SYNE3: variants seen among roughly 807,000 people sequenced by gnomAD.
SYNE3 encodes spectrin repeat containing nuclear envelope family member 3.
SYNE3 carries 100 observed loss-of-function variants against 111.2 expected under a neutral mutation model. The observed-to-expected ratio is 0.90, with a 90% CI of 0.77 to 1.06. The LOEUF (loss-of-function observed/expected upper bound fraction) is 1.06. SYNE3 is among the 50% of genes least tolerant of loss of function. The pLI, the probability that SYNE3 is intolerant of heterozygous loss-of-function variation, is 0.00. For missense variants in SYNE3, 1,160 were observed against 1,240.3 expected, an observed-to-expected ratio of 0.94 and a Z score of 0.97; for synonymous variants, 547 against 533.9, an observed-to-expected ratio of 1.02 and a Z score of -0.34.
At chr14:95,454,854 G>A (rs1330480228) in intron 6 of SYNE3, among the ~76,000 whole-genome samples, 5 of 152,136 alleles carry the variant, frequency 3.3e-5, no homozygotes, top group Admixed American at 2.0e-4. Flanking sequence ...GCTTCAGTTC[G>A]TATACCTCGG....
At chr14:95,420,672 A>G (rs1000910038) in intron 17 of SYNE3, among the ~76,000 whole-genome samples, 3 of 152,192 alleles carry the variant, frequency 2.0e-5, no homozygotes, top group Admixed American at 2.0e-4. Context: ...GCTCTTAAAA[A>G]TAAGACACCT....
At chr14:95,435,598 G>C (rs1886041220) in intron 15 of SYNE3, among the ~76,000 whole-genome samples, 1 of 151,952 alleles carries the variant, frequency 6.6e-6, no homozygotes, top group South Asian at 2.1e-4. Context: ...CAAGTAACAA[G>C]TTTGGGAATT....
At chr14:95,494,722 T>C (rs182092389) in intron 1 of SYNE3, among the ~76,000 whole-genome samples, 1 of 152,264 alleles carries the variant, frequency 6.6e-6, no homozygotes, top group African/African-American at 2.4e-5. Context: ...GCAGGGCCCT[T>C]GCAACAGGGC....
intron 7 of SYNE3, chr14:95,451,229 C>T (rs1418250948): frequency 6.6e-6 from 1 of 152,218 alleles, no homozygotes; most frequent in Non-Finnish European, 1.5e-5. Context: ...AGCTTCATGA[C>T]CAAGGAATAC....
intron 6 of SYNE3, 33 bp downstream of exon 6, chr14:95,455,344 C>T (rs1231536261): frequency 1.3e-6 from 2 of 1,492,998 alleles, no homozygotes; most frequent in East Asian, 4.7e-5. Context: ...CAGACAGCAC[C>T]CTGGGCTCCA....
In SYNE3 at chr14:95,409,554, T is replaced by A; in HGVS notation, c.*8272A>T. On this transcript the variant is annotated 3_prime_UTR_variant, in exon 18 of 18. Transcript: ENST00000682763. ...CAAGGTGGTTGGGTTGGGGATGATG[T>A]TACCATGACAACCGGAGAGCAGGTG... 2.6e-6 allele frequency: 1 copy of A among 378,496 alleles called. No homozygotes were observed. Among genetic ancestry groups the A allele is most frequent in the Non-Finnish European group, 5.2e-6 (1 of 192,916 alleles). 23.4% of individuals were successfully genotyped at this position (378,496 alleles called of 1,614,324 possible). A position where few individuals can be genotyped will look rare whatever the true frequency, so the allele number is the denominator to read the frequency against.
intron 17 of SYNE3, among the ~76,000 whole-genome samples, chr14:95,421,272 G>A (rs989132134): frequency 9.2e-5 from 14 of 152,162 alleles, no homozygotes; most frequent in Admixed American, 5.9e-4. Flanking sequence ...GGGAGTATAT[G>A]TTGTGTAGAG....
chr14:95,464,570 T>C (rs979198084), intron 4 of SYNE3, among the ~76,000 whole-genome samples: 24 of 152,346 alleles, frequency 1.6e-4, no homozygotes, highest in Admixed American at 5.9e-4. Flanking sequence ...AGTTGGGGCC[T>C]ATTGTATGAT....
chr14:95,466,641 C>T (rs564831415), intron 3 of SYNE3, among the ~76,000 whole-genome samples: 77 of 152,324 alleles, frequency 5.1e-4, no homozygotes, highest in Admixed American at 9.8e-4. Flanking sequence ...GGGCTCTAAA[C>T]ACAGTTTCTC....
Position 95,438,436 on chromosome 14 carries a change from T to C in SYNE3, c.2376+597A>G, listed in dbSNP as rs79859210. ...GCTGTGTGCCCACTGAAAAGCTCTA[T>C]GCCGGATTCCAAATTCTCTGAGGGT... On this transcript the variant is annotated intron_variant, in intron 14 of 17. Coordinates refer to ENST00000682763, the MANE Select transcript of SYNE3 (RefSeq NM_152592.6). 7.6e-3 allele frequency: 1,162 copies of C among 153,658 alleles called. 11 individuals carry two copies. The highest frequency in any genetic ancestry group is 1.0e-2 in the Non-Finnish European group (689 of 68,982). The allele number at this position is 153,658 out of a possible 1,614,324, so 9.5% of individuals were successfully genotyped here. A position where few individuals can be genotyped will look rare whatever the true frequency, so the allele number is the denominator to read the frequency against.
In SYNE3 at chr14:95,470,360, G is replaced by T. The variant is rs2139491162; in HGVS notation, c.145-2393C>A. 6.6e-6 allele frequency among the ~76,000 whole-genome samples: 1 copy of T among 152,230 alleles called. No homozygotes were observed. The highest frequency in any genetic ancestry group is 1.5e-5 in the Non-Finnish European group (1 of 68,002). ...TTAAAAATAATAGTAGACCAGGCGT[G>T]GTGACTCATGCCTGTAATCCCAGCA... On this transcript the variant is annotated intron_variant, in intron 2 of 17. Transcript: ENST00000682763. The surrounding 1 kb of genome is among the most constrained non-coding windows in gnomAD (Gnocchi z 4.2).
chr14:95,407,286 A>AT lies in SYNE3; in HGVS notation c.*10539dup, dbSNP rs2139309863. On this transcript the variant is annotated 3_prime_UTR_variant, in exon 18 of 18. Transcript: ENST00000682763. ...CAGTATTTCATAGACCAAAATAGAG[A>AT]TTTTTATTTCCAAACACAAAGCAGA... 6.6e-6 allele frequency: 1 copy of AT among 152,310 alleles called. No individual in the cohort carries two copies. Among genetic ancestry groups the AT allele is most frequent in the South Asian group, 2.1e-4 (1 of 4,818 alleles). The allele number at this position is 152,310 out of a possible 1,614,324, so 9.4% of individuals were successfully genotyped here.
chr14:95,435,613 GA>G (rs376417896), intron 15 of SYNE3, among the ~76,000 whole-genome samples: 1,854 of 150,820 alleles, frequency 0.012, 44 homozygotes, highest in African/African-American at 0.043. Context: ...GGAATTAAGA[GA>G]AAAAAAAATA....
intron 1 of SYNE3, among the ~76,000 whole-genome samples, chr14:95,483,131 C>T (rs956518659): frequency 6.6e-6 from 1 of 152,080 alleles, no homozygotes; most frequent in Admixed American, 6.5e-5. Context: ...AGGCAGCCTC[C>T]GTCACACTGT....
At chr14:95,493,777 G>A (rs1044386514) in intron 1 of SYNE3, among the ~76,000 whole-genome samples, 4 of 152,192 alleles carry the variant, frequency 2.6e-5, no homozygotes, top group Non-Finnish European at 4.4e-5. Flanking sequence ...AGCCTTGAGC[G>A]CCAGGGTTCT....
chr14:95,426,139 G>T (rs1885415983), intron 17 of SYNE3, among the ~76,000 whole-genome samples: 1 of 152,196 alleles, frequency 6.6e-6, no homozygotes, highest in African/African-American at 2.4e-5. Flanking sequence ...CAGTAGTCAA[G>T]GACTAGTTTC....
In SYNE3 at chr14:95,444,481, T is replaced by C; in HGVS notation, c.1776+4A>G. ...GAGTGATTCAGGCCTCACAGACCCC[T>C]CACCTGCAACCTTGAGAGCTGGGCC... On this transcript the variant is annotated splice_donor_region_variant and intron_variant, in intron 10 of 17. Transcript: ENST00000682763. 6.2e-7 allele frequency: 1 copy of C among 1,607,020 alleles called. No homozygotes were observed. The highest frequency in any genetic ancestry group is 2.2e-5 in the East Asian group (1 of 44,730).
chr14:95,471,301 A>T (rs1460798596), intron 2 of SYNE3, among the ~76,000 whole-genome samples: 4 of 152,242 alleles, frequency 2.6e-5, no homozygotes, highest in Admixed American at 2.0e-4. Context: ...CCATGCGGAC[A>T]ATGGCCCCTT....
At chr14:95,427,824 T>C (rs1238515449) in intron 17 of SYNE3, among the ~76,000 whole-genome samples, 1 of 152,204 alleles carries the variant, frequency 6.6e-6, no homozygotes, top group East Asian at 1.9e-4. Context: ...CTTTGTCTTG[T>C]GTCTTTATTT....
Sources: gnomAD v4.1 joint callset for allele counts (sites outside exome capture counted in the v4.1 genomes callset) on GRCh38, gnomAD v4.1.1 for gene constraint, Gnocchi (gnomAD v3.1) non-coding constraint, MANE v1.5 for transcripts, NCBI Gene and HGNC (gene_info 2026-07-23, HGNC 2026-07-21) for gene names.